COL6A6: variants seen among roughly 807,000 people sequenced by gnomAD.
COL6A6 encodes the protein collagen type VI alpha 6 chain.
COL6A6 carries 183 observed loss-of-function variants against 208.6 expected under a neutral mutation model. The observed-to-expected ratio is 0.88, with a 90% CI of 0.78 to 0.99. The LOEUF is 0.99. COL6A6 is among the 50% of genes least tolerant of loss of function. The pLI is 0.00. For missense variants in COL6A6, 2,816 were observed against 2,815.2 expected (o/e 1.00, Z -0.01); for synonymous variants, 973 against 1,011.8 (o/e 0.96, Z 0.73).
chr3:130,658,241 G>T (rs1046781375), intron 33 of COL6A6, among the ~76,000 whole-genome samples: 32 of 152,172 alleles, frequency 2.1e-4, no homozygotes, highest in Admixed American at 3.3e-4. Flanking sequence ...AGTGTCTTTT[G>T]ATCGGTCCTT....
chr3:130,577,530 G>A (rs2063326114), intron 8 of COL6A6, among the ~76,000 whole-genome samples: 1 of 152,204 alleles, frequency 6.6e-6, no homozygotes, highest in Non-Finnish European at 1.5e-5. Flanking sequence ...ACTTCCTGCT[G>A]TCACTTCCAA....
chr3:130,565,434 G>C lies in COL6A6; in HGVS notation c.1102G>C (p.Glu368Gln), dbSNP rs576492421. ...EGVTIFTLGI[E>Q]GASDTQLEKI... ...TGTGACCATCTTCACCCTGGGCATA[G>C]AGGGCGCCAGCGACACCCAGTTGGA... is the stretch of plus-strand genomic sequence containing the variant. The change falls in exon 4 of 37, where the codon GAG becomes CAG. Residue 368 changes from glutamate to glutamine, a missense_variant. Transcript: ENST00000358511. 14 of 1,613,816 alleles carry C rather than the reference G, an allele frequency of 8.7e-6. No homozygotes were observed. The highest frequency in any genetic ancestry group is 1.3e-5 in the African/African-American group (1 of 75,000).
intron 11 of COL6A6, among the ~76,000 whole-genome samples, chr3:130,587,184 G>A (rs1310410462): frequency 6.6e-6 from 1 of 152,218 alleles, no homozygotes; most frequent in Non-Finnish European, 1.5e-5. Context: ...GAAATGCCTA[G>A]TGACAGTAAA....
intron 6 of COL6A6, among the ~76,000 whole-genome samples, chr3:130,570,000 T>C (rs577599462): frequency 6.6e-6 from 1 of 152,338 alleles, no homozygotes; most frequent in African/African-American, 2.4e-5. Flanking sequence ...CATACCTTTC[T>C]ATGGCCTGTA....
At chr3:130,522,619 G>T (rs2107668918) in intron 1 of COL6A6, among the ~76,000 whole-genome samples, 1 of 152,222 alleles carries the variant, frequency 6.6e-6, no homozygotes, top group East Asian at 1.9e-4. Context: ...CAAGGCACTT[G>T]AAGATTTGTT....
intron 20 of COL6A6, among the ~76,000 whole-genome samples, chr3:130,602,016 T>C (rs1337721064): frequency 6.6e-6 from 1 of 152,116 alleles, no homozygotes; most frequent in African/African-American, 2.4e-5. Flanking sequence ...GCAGGGAATA[T>C]ACACATAGGG....
rs1356855300 is a variant in COL6A6 at position 130,563,316 on chromosome 3, C to A, written c.313C>A (p.Leu105Met). The A allele has an allele frequency of 6.2e-7, 1 of 1,613,968 alleles. No homozygotes were observed. The highest frequency in any genetic ancestry group is 8.5e-7 in the Non-Finnish European group (1 of 1,179,864). Residue 105 changes from leucine to methionine, a missense_variant, in exon 3 of 37, where the codon CTG becomes ATG. Physicochemically the swap from Leu to Met is conservative, Grantham distance 15. Coordinates refer to ENST00000358511, the MANE Select transcript of COL6A6 (RefSeq NM_001102608.3). ...RKNFGFIGGSLQIGKALQEAH... is the reference protein window; with the variant it reads ...RKNFGFIGGSMQIGKALQEAH... ...GAACTTTGGATTCATTGGCGGGTCC[C>A]TGCAGATAGGAAAGGCTCTTCAGGA... is the stretch of plus-strand genomic sequence containing the variant.
rs2108460150 is a variant in COL6A6 at position 130,662,063 on chromosome 3, T to C, written c.6257T>C (p.Phe2086Ser). 6.2e-7 allele frequency: 1 copy of C among 1,614,036 alleles called. No homozygotes were observed. ...TPNLRRNKVI[F>S]VISAGETSHL... ...AATCTGAGAAGAAACAAAGTCATAT[T>C]TGTGATATCTGCTGGGGAAACCAGC... The change falls in exon 35 of 37, where the codon TTT becomes TCT. Residue 2086 changes from phenylalanine to serine, a missense_variant. Transcript: ENST00000358511.
chr3:130,581,902 A>G lies in COL6A6; in HGVS notation c.3889A>G (p.Lys1297Glu), dbSNP rs763099806. Residue 1297 changes from lysine (K) to glutamate (E), a missense_variant and splice_region_variant, in exon 9 of 37, where the codon AAG becomes GAG. Coordinates refer to ENST00000358511, the MANE Select transcript of COL6A6 (RefSeq NM_001102608.3). The stretch of plus-strand genomic sequence containing the variant: ...TCAGAATAAATCAGCTGCTCGAGGA[A>G]AGGTAACATGGATTTATCTTATTTG... ...TFQNKSAARG[K>E]VVLLFSDGLD... The G allele has an allele frequency of 3.7e-6, 6 of 1,603,754 alleles. No individual in the cohort carries two copies. In the Admixed American group the frequency reaches 6.8e-5, roughly 18 times the overall value.
At chr3:130,613,494 A>G in intron 23 of COL6A6, among the ~76,000 whole-genome samples, 1 of 152,088 alleles carries the variant, frequency 6.6e-6, no homozygotes, top group Non-Finnish European at 1.5e-5. Context: ...TTAGCTATTC[A>G]TATTCTTCTT....
At chr3:130,620,480 G>T (rs2108265604) in intron 23 of COL6A6, among the ~76,000 whole-genome samples, 1 of 152,326 alleles carries the variant, frequency 6.6e-6, no homozygotes, top group Non-Finnish European at 1.5e-5. Flanking sequence ...GCAAAAAAGT[G>T]TCAACTGGAC....
chr3:130,603,057 C>G lies in COL6A6; in HGVS notation c.4653+3247C>G, dbSNP rs1327600590. Among the ~76,000 whole-genome samples the G allele has an allele frequency of 2.6e-5, 4 of 152,164 alleles. No homozygotes were observed. The South Asian group carries it at 8.3e-4, about 32-fold the overall frequency. On this transcript the variant is annotated intron_variant, in intron 20 of 36. Transcript: ENST00000358511. ...GGAGGATGGCCAGTGGTAGGAGTGG[C>G]ATGCGGGGAAATAAACAGCAAATCT...
chr3:130,644,255 C>T (rs371774739), intron 31 of COL6A6, among the ~76,000 whole-genome samples: 3 of 152,294 alleles, frequency 2.0e-5, no homozygotes, highest in East Asian at 3.9e-4. Context: ...GGGACCCCTG[C>T]AAGAGAGAAG....
Position 130,563,562 on chromosome 3 carries a change from C to T in COL6A6, c.559C>T (p.Arg187Trp), listed in dbSNP as rs200264014. 226 of 1,613,970 alleles carry T rather than the reference C, an allele frequency of 1.4e-4. No individual in the cohort carries two copies. In the African/African-American group the frequency reaches 2.2e-3, roughly 15 times the overall value. The change falls in exon 3 of 37, where the codon CGG becomes TGG. Residue 187 changes from arginine to tryptophan, a missense_variant. Physicochemically the swap from Arg to Trp is moderately radical, Grantham distance 101. Transcript: ENST00000358511. The stretch of plus-strand genomic sequence containing the variant: ...CACGTCTCAGTTTCATTTCAACCTT[C>T]GGACAGTCAGAGACCTCAGCATGTT... ...MATSQFHFNL[R>W]TVRDLSMFSQ...
At chr3:130,541,017 T>A (rs1321305356) in intron 1 of COL6A6, among the ~76,000 whole-genome samples, 1 of 152,208 alleles carries the variant, frequency 6.6e-6, no homozygotes, top group Non-Finnish European at 1.5e-5. Context: ...TTTGGGTATA[T>A]GCCCAGTAAT....
intron 20 of COL6A6, 43 bp from the exon 21 acceptor site, chr3:130,606,888 A>T (rs1433032521): frequency 3.2e-6 from 5 of 1,547,670 alleles, no homozygotes; most frequent in Non-Finnish European, 4.4e-6. Flanking sequence ...TATAAAAAGC[A>T]TTTTTTCTGA....
At chr3:130,618,185 G>A (rs1315760587) in intron 23 of COL6A6, among the ~76,000 whole-genome samples, 1 of 152,162 alleles carries the variant, frequency 6.6e-6, no homozygotes, top group Non-Finnish European at 1.5e-5. Context: ...GGGCCTCAGA[G>A]CAGCAGGCAT....
At chr3:130,673,872 A>G (rs1422251990) in intron 36 of COL6A6, among the ~76,000 whole-genome samples, 1 of 152,128 alleles carries the variant, frequency 6.6e-6, no homozygotes, top group African/African-American at 2.4e-5. Flanking sequence ...CAGGAAGATC[A>G]CTTGAGCCCA....
At chr3:130,673,222 A>C (rs1228005884) in intron 36 of COL6A6, among the ~76,000 whole-genome samples, 9 of 98,122 alleles carry the variant, frequency 9.2e-5, no homozygotes, top group East Asian at 3.0e-4. Context: ...AAAAACAAAA[A>C]AAAAAAACAA....
Sources: allele counts gnomAD v4.1 joint callset (sites outside exome capture counted in the v4.1 genomes callset), GRCh38; gene constraint gnomAD v4.1.1; transcripts MANE v1.5; gene names NCBI Gene and HGNC (gene_info 2026-07-23, HGNC 2026-07-21).